The following GATAD2A variants were observed in gnomAD, a reference collection of about 807,000 sequenced individuals.
GATAD2A encodes transcriptional repressor p66-alpha.
GATAD2A carries 12 observed loss-of-function variants against 68.5 expected under a neutral mutation model. That is an observed-to-expected ratio of 0.18 (90% CI 0.11 to 0.28). The LOEUF is 0.28. Ranked by LOEUF, GATAD2A falls within the 10% of genes least tolerant of loss-of-function variation. The pLI, the probability that GATAD2A is intolerant of heterozygous loss-of-function variation, is 1.00. For synonymous variants in GATAD2A, 410 were observed against 375.3 expected (o/e 1.09, Z -1.07); for missense variants, 755 against 868.5 (o/e 0.87, Z 1.64).
At position 19,508,587 on chromosome 19, in the gene GATAD2A, G is replaced by C. The variant is rs1437316188; in HGVS notation, c.*3113G>C. 6.6e-6 allele frequency: 1 copy of C among 152,226 alleles called. No homozygotes were observed. Among genetic ancestry groups the C allele is most frequent in the African/African-American group, 2.4e-5 (1 of 41,452 alleles). 9.4% of individuals were successfully genotyped at this position (152,226 alleles called of 1,614,324 possible). Reference sequence around the variant, plus strand: ...CATCACAGAAGGGATGATCCTTGCTGCTCTGCCGTAGGGTTTTTGATGCTG... The same window carrying C: ...CATCACAGAAGGGATGATCCTTGCTCCTCTGCCGTAGGGTTTTTGATGCTG... On this transcript the variant is annotated 3_prime_UTR_variant, in exon 12 of 12. Transcript: ENST00000683918.
intron 2 of GATAD2A, among the ~76,000 whole-genome samples, chr19:19,470,379 C>G (rs1178848421): frequency 6.6e-6 from 1 of 152,110 alleles, no homozygotes; most frequent in African/African-American, 2.4e-5. Flanking sequence ...CGTGATCCGC[C>G]CGCCTCACCC....
intron 1 of GATAD2A, among the ~76,000 whole-genome samples, chr19:19,392,506 C>T (rs2048921713): frequency 1.3e-5 from 2 of 150,656 alleles, no homozygotes; most frequent in Admixed American, 6.6e-5. Flanking sequence ...AATTCTCTGT[C>T]TTAGCCACCC....
At chr19:19,498,861 A>G (rs981161145) in intron 8 of GATAD2A, 139 bp downstream of exon 8, 3 of 682,100 alleles carry the variant, frequency 4.4e-6, no homozygotes, top group Non-Finnish European at 7.5e-6. Context: ...TGGCAGGGAC[A>G]CCGTCAGTGC....
At chr19:19,447,431 C>T (rs1390807652) in intron 1 of GATAD2A, among the ~76,000 whole-genome samples, 1 of 152,116 alleles carries the variant, frequency 6.6e-6, no homozygotes, top group African/African-American at 2.4e-5. Context: ...TGATACAGAC[C>T]CCCCACTCCC....
intron 1 of GATAD2A, among the ~76,000 whole-genome samples, chr19:19,447,124 A>C (rs983040156): frequency 6.6e-6 from 1 of 152,184 alleles, no homozygotes; most frequent in Non-Finnish European, 1.5e-5. Context: ...AATAAATAGC[A>C]TGTCAAGTGG....
chr19:19,405,439 C>A (rs1568700385), upstream of GATAD2A, among the ~76,000 whole-genome samples: 1 of 152,172 alleles, frequency 6.6e-6, no homozygotes, highest in Non-Finnish European at 1.5e-5. Flanking sequence ...GTGAGTTGGC[C>A]ACGACCCTTC....
At chr19:19,402,776 ATT>A (rs1400983648), upstream of GATAD2A, among the ~76,000 whole-genome samples, 2 of 112,420 alleles carry the variant, frequency 1.8e-5, no homozygotes, top group Non-Finnish European at 1.9e-5. Context: ...TGTTTTTTTG[ATT>A]TTTTTTTTTT....
intron 1 of GATAD2A, chr19:19,464,579 C>G (rs1322147929): frequency 6.6e-6 from 1 of 152,248 alleles, no homozygotes; most frequent in African/African-American, 2.4e-5. Context: ...TTTGTCTCTC[C>G]GACTGAATCC....
At chr19:19,387,641 C>G (rs1314461894) in intron 1 of GATAD2A, among the ~76,000 whole-genome samples, 1 of 152,068 alleles carries the variant, frequency 6.6e-6, no homozygotes, top group African/African-American at 2.4e-5. Flanking sequence ...TGAGTGCCTT[C>G]ACTTTCCTGA....
intron 2 of GATAD2A, among the ~76,000 whole-genome samples, chr19:19,486,034 A>C (rs977304693): frequency 2.0e-5 from 3 of 152,076 alleles, no homozygotes; most frequent in African/African-American, 7.2e-5. Flanking sequence ...TTCCTCCTGA[A>C]CTCACAGCCC....
intron 1 of GATAD2A, among the ~76,000 whole-genome samples, chr19:19,445,366 T>C (rs1385071617): frequency 6.6e-6 from 1 of 152,204 alleles, no homozygotes; most frequent in Admixed American, 6.5e-5. Context: ...AATTAGTATT[T>C]TTGTTTTTGT....
At chr19:19,413,243 A>G (rs758920518) in intron 1 of GATAD2A, among the ~76,000 whole-genome samples, 29 of 152,298 alleles carry the variant, frequency 1.9e-4, no homozygotes, top group Admixed American at 3.9e-4. Context: ...AACTGCTGCT[A>G]CCACCTTCGT....
chr19:19,392,395 T>TG (rs201827035), intron 1 of GATAD2A, among the ~76,000 whole-genome samples: 24,505 of 140,052 alleles, frequency 0.17, 2,120 homozygotes, highest in Middle Eastern at 0.3. Flanking sequence ...TGTGTGTGTG[T>TG]TTTTTTTTTT....
intron 1 of GATAD2A, among the ~76,000 whole-genome samples, chr19:19,454,994 T>C (rs1255547812): frequency 6.6e-6 from 1 of 152,126 alleles, no homozygotes; most frequent in Non-Finnish European, 1.5e-5. Flanking sequence ...CCCATTCAGG[T>C]ATGTACAGTT....
chr19:19,465,725 G>A lies in GATAD2A; in HGVS notation c.269+111G>A, dbSNP rs1306455298. ...GTTGGTAACAGCTTGGCGGGGTTGT[G>A]GAGAGGGCTGTAGGCTCAGCTCGGG... On this transcript the variant is annotated intron_variant, in intron 2 of 11. Transcript: ENST00000683918. The A allele has an allele frequency of 1.0e-5, 13 of 1,279,224 alleles. No individual in the cohort carries two copies. In the East Asian group the frequency reaches 3.3e-4, roughly 32 times the overall value. The allele number at this position is 1,279,224 out of a possible 1,614,324, so 79.2% of individuals were successfully genotyped here.
rs3031870 is a variant in GATAD2A at position 19,450,743 on chromosome 19, T to TAA, written c.-6-14579_-6-14578dup. ...CTTTCACCAAGCAACCTCATTACAT[T>TAA]AAAAAAAAAAAAAAAAAAACTCTTT... On this transcript the variant is annotated intron_variant, in intron 1 of 11. Coordinates refer to ENST00000683918, the MANE Select transcript of GATAD2A (RefSeq NM_001384528.1). Among the ~76,000 whole-genome samples, 44 of 125,150 alleles carry TAA rather than the reference T, an allele frequency of 3.5e-4. No homozygotes were observed. The Middle Eastern group carries it at 0.012, about 35-fold the overall frequency. 82.1% of individuals were successfully genotyped at this position (125,150 alleles called of 152,430 possible).
intron 1 of GATAD2A, among the ~76,000 whole-genome samples, chr19:19,444,936 G>T (rs2055539034): frequency 6.6e-6 from 1 of 151,696 alleles, no homozygotes; most frequent in African/African-American, 2.4e-5. Flanking sequence ...GCAGTGTAGG[G>T]CCTGTGATAA....
At chr19:19,463,648 C>T (rs961689906) in intron 1 of GATAD2A, among the ~76,000 whole-genome samples, 2 of 152,160 alleles carry the variant, frequency 1.3e-5, no homozygotes, top group African/African-American at 2.4e-5. Context: ...CCTTGAGATT[C>T]GGAGTCTCCC....
In GATAD2A at chr19:19,486,427, A is replaced by G. The variant is rs576950307; in HGVS notation, c.270-5879A>G. Among the ~76,000 whole-genome samples, 16 of 152,308 alleles carry G rather than the reference A, an allele frequency of 1.1e-4. No homozygotes were observed. In the South Asian group the frequency reaches 2.9e-3, roughly 28 times the overall value. ...AAGGTTGCATCCTGTCAGAGCATCC[A>G]TCTTGCCTCTGGAGGCCGTGGTGCT... On this transcript the variant is annotated intron_variant, in intron 2 of 11. Coordinates refer to ENST00000683918, the MANE Select transcript of GATAD2A (RefSeq NM_001384528.1).
Sources: allele counts gnomAD v4.1 joint callset (sites outside exome capture counted in the v4.1 genomes callset), GRCh38; gene constraint gnomAD v4.1.1; transcripts MANE v1.5; gene names NCBI Gene and HGNC (gene_info 2026-07-23, HGNC 2026-07-21).